The following CKAP4 variants were observed in gnomAD, a reference collection of about 807,000 sequenced individuals.
CKAP4 encodes cytoskeleton-associated protein 4.
A neutral mutation model predicts 24.4 loss-of-function variants in CKAP4; 20 were observed. The ratio of observed to expected loss-of-function variants is 0.82; its 90% CI spans 0.58 to 1.19. The LOEUF (loss-of-function observed/expected upper bound fraction) is 1.19, where lower values mean the gene tolerates loss of function less well. Ranked by LOEUF, CKAP4 falls within the 50% of genes most tolerant of loss-of-function variation. The pLI is 0.00. For synonymous variants in CKAP4, 378 were observed against 351.7 expected (o/e 1.07, Z -0.84); for missense variants, 744 against 765.3 (o/e 0.97, Z 0.33).
rs1383401737 is a variant in CKAP4 at position 106,239,463 on chromosome 12, C to G, written c.1370G>C (p.Gly457Ala). The G allele has an allele frequency of 6.2e-7, 1 of 1,604,060 alleles. No individual in the cohort carries two copies. The highest frequency in any genetic ancestry group is 8.5e-7 in the Non-Finnish European group (1 of 1,179,646). Reference protein sequence around the residue: ...RLAALQGRLEGLGSSEADQDG... With the variant: ...RLAALQGRLEALGSSEADQDG... ...CTGGTCTGCCTCTGAGGACCCGAGGCCTTCCAGGCGCCCCTGCAGGGCGGC... is the reference window on the plus strand; with the variant it reads ...CTGGTCTGCCTCTGAGGACCCGAGGGCTTCCAGGCGCCCCTGCAGGGCGGC... Residue 457 changes from glycine (G) to alanine (A), a missense_variant, in exon 2 of 2, where the codon GGC (glycine) becomes GCC (alanine). Gly to Ala is a moderately conservative substitution (Grantham distance 60). Around this residue, in one of 3 missense-constraint regions of CKAP4, gnomAD observed 401 missense variants for 424.5 expected, o/e 0.94. Transcript: ENST00000378026. The surrounding 1 kb of genome is among the most constrained non-coding windows in gnomAD (Gnocchi z 4.9).
intron 1 of CKAP4, among the ~76,000 whole-genome samples, chr12:106,246,241 A>C (rs1378805518): frequency 6.6e-6 from 1 of 152,198 alleles, no homozygotes; most frequent in African/African-American, 2.4e-5. Context: ...GTCACTCACC[A>C]GCTGGGGACT....
chr12:106,239,260 G>A lies in CKAP4; in HGVS notation c.1573C>T (p.Pro525Ser). The A allele has an allele frequency of 1.2e-6, 2 of 1,613,670 alleles. No homozygotes were observed. The highest frequency in any genetic ancestry group is 8.5e-7 in the Non-Finnish European group (1 of 1,180,038). Residue 525 changes from proline to serine, a missense_variant, in exon 2 of 2, where the codon CCT becomes TCT. Pro to Ser is a moderately conservative substitution (Grantham distance 74, BLOSUM62 -1). Transcript: ENST00000378026. This position sits in a 1 kb window ranked among gnomAD's most constrained non-coding sequence, Gnocchi z 4.9. ...AGTCTGTCCAGGAAGTCCTGAGGAG[G>A]CAGACGGGCGGCCTGGGCTTGGTCC... ...SQDQAQAARL[P>S]PQDFLDRLSS...
intron 1 of CKAP4, among the ~76,000 whole-genome samples, chr12:106,243,544 A>C (rs1157194290): frequency 6.6e-6 from 1 of 152,162 alleles, no homozygotes; most frequent in Non-Finnish European, 1.5e-5. Context: ...GCCTAAGCCT[A>C]CTCCTACCAT....
rs761920606 is a variant in CKAP4, at chr12:106,239,291, G to A, written c.1542C>T (p.Leu514=). 1 of 1,612,028 alleles carries A rather than the reference G, an allele frequency of 6.2e-7. No homozygotes were observed. The highest frequency in any genetic ancestry group is 1.7e-5 in the Admixed American group (1 of 60,028). Residue 514 remains leucine, a synonymous_variant, in exon 2 of 2, where the codon CTC becomes CTT. Transcript: ENST00000378026. The surrounding 1 kb of genome is among the most constrained non-coding windows in gnomAD (Gnocchi z 4.9). ...QKVQEQVHTL[L]SQDQAQAARL... is the part of the protein sequence containing the mutation. Reference sequence around the variant, plus strand: ...GGGCGGCCTGGGCTTGGTCCTGACTGAGCAGCGTGTGCACCTGCTCCTGCA... The same window carrying A: ...GGGCGGCCTGGGCTTGGTCCTGACTAAGCAGCGTGTGCACCTGCTCCTGCA...
chr12:106,240,338 C>T lies in CKAP4; in HGVS notation c.495G>A (p.Leu165=). 2 of 1,611,878 alleles carry T rather than the reference C, an allele frequency of 1.2e-6. No homozygotes were observed. The highest frequency in any genetic ancestry group is 2.7e-5 in the African/African-American group (2 of 74,946). The change falls in exon 2 of 2, where the codon TTG becomes TTA. Residue 165 remains leucine, a synonymous_variant. Transcript: ENST00000378026. ...LQGVEQKVQS[L]QATFGTFESI... ...ACTCAAAAGTTCCAAATGTGGCTTG[C>T]AAAGACTGCACCTGTAATCAAAATC...
At position 106,247,507 on chromosome 12, in the gene CKAP4, G is replaced by C. The variant is rs1333593560; in HGVS notation, c.345C>G (p.Ala115=). 6 of 1,542,850 alleles carry C rather than the reference G, an allele frequency of 3.9e-6. No homozygotes were observed. Among genetic ancestry groups the C allele is most frequent in the Non-Finnish European group, 5.2e-6 (6 of 1,147,954 alleles). The change falls in exon 1 of 2, where the codon GCC becomes GCG. Residue 115 remains alanine (A), a synonymous_variant. Transcript: ENST00000378026. This position sits in a 1 kb window ranked among gnomAD's most constrained non-coding sequence, Gnocchi z 4.5. ...CCGAGAAAGCGGCCGCCGCCACCAGGGCGAGGTAGAAGAGAAAGTTGAGCG... is the reference window on the plus strand; with the variant it reads ...CCGAGAAAGCGGCCGCCGCCACCAGCGCGAGGTAGAAGAGAAAGTTGAGCG... ...GRALNFLFYL[A]LVAAAAFSGW...
At chr12:106,240,775 A>G (rs920705855) in intron 1 of CKAP4, among the ~76,000 whole-genome samples, 3 of 152,322 alleles carry the variant, frequency 2.0e-5, no homozygotes, top group Admixed American at 2.0e-4. Flanking sequence ...CAATCAGCCA[A>G]ACCCACAATG....
chr12:106,246,994 C>T, intron 1 of CKAP4: 1 of 186,158 alleles, frequency 5.4e-6, no homozygotes, highest in Non-Finnish European at 1.1e-5. Context: ...GACAGCTCTG[C>T]CCATTCAGCG....
At chr12:106,246,989 C>T (rs1023153038) in intron 1 of CKAP4, 1 of 182,280 alleles carries the variant, frequency 5.5e-6, no homozygotes, top group Non-Finnish European at 1.1e-5. Flanking sequence ...TTTCAGACAG[C>T]TCTGCCCATT....
At chr12:106,243,203 A>T (rs571673406) in intron 1 of CKAP4, among the ~76,000 whole-genome samples, 1 of 152,352 alleles carries the variant, frequency 6.6e-6, no homozygotes, top group South Asian at 2.1e-4. Flanking sequence ...AGGACTTCAG[A>T]CACATCATCT....
chr12:106,242,329 A>G (rs1276798883), intron 1 of CKAP4, among the ~76,000 whole-genome samples: 1 of 152,274 alleles, frequency 6.6e-6, no homozygotes, highest in Non-Finnish European at 1.5e-5. Flanking sequence ...GTAAGTCTGC[A>G]GATTCCTAGA....
At chr12:106,245,292 CT>C (rs748315377) in intron 1 of CKAP4, among the ~76,000 whole-genome samples, 6 of 152,158 alleles carry the variant, frequency 3.9e-5, no homozygotes, top group Non-Finnish European at 7.3e-5. Flanking sequence ...CTGACACCTC[CT>C]TATGCGCTGC....
At chr12:106,245,972 A>T (rs1325952636) in intron 1 of CKAP4, among the ~76,000 whole-genome samples, 1 of 152,322 alleles carries the variant, frequency 6.6e-6, no homozygotes, top group South Asian at 2.1e-4. Context: ...CAGGACAGAC[A>T]GCATGCTGGG....
chr12:106,247,700 G>A lies in CKAP4; in HGVS notation c.152C>T (p.Pro51Leu), dbSNP rs2034027869. 5 of 1,038,610 alleles carry A rather than the reference G, an allele frequency of 4.8e-6. No homozygotes were observed. The highest frequency in any genetic ancestry group is 5.7e-6 in the Non-Finnish European group (5 of 876,180). The allele number at this position is 1,038,610 out of a possible 1,614,324, so 64.3% of individuals were successfully genotyped here. The change falls in exon 1 of 2, where the codon CCG becomes CTG. Residue 51 changes from proline (P) to leucine (L), a missense_variant. Pro to Leu is a moderately conservative substitution (Grantham distance 98). This residue lies in a region of CKAP4 where 300 missense variants were observed against 264.5 expected (regional missense o/e 1.13). Transcript: ENST00000378026. The surrounding 1 kb of genome is among the most constrained non-coding windows in gnomAD (Gnocchi z 4.5). ...CGGGTGCTGCTGCGGGTGCTGCTGC[G>A]GGTGCGGCGCGGGCGGCGGCGGCGG... is the stretch of plus-strand genomic sequence containing the variant. Reference protein sequence around the residue: ...QQPPPPPAPHPQQHPQQHPQN... With the variant: ...QQPPPPPAPHLQQHPQQHPQN...
Position 106,239,475 on chromosome 12 carries a change from C to T in CKAP4, c.1358G>A (p.Gly453Glu), listed in dbSNP as rs1257805031. Residue 453 changes from glycine (G) to glutamate (E), a missense_variant, in exon 2 of 2, where the codon GGG becomes GAG. Physicochemically the swap from Gly to Glu is moderately conservative, Grantham distance 98. This residue lies in a region of CKAP4 where 401 missense variants were observed against 424.5 expected (regional missense o/e 0.94). Coordinates refer to ENST00000378026, the MANE Select transcript of CKAP4 (RefSeq NM_006825.4). The surrounding 1 kb of genome is among the most constrained non-coding windows in gnomAD (Gnocchi z 4.9). ...EHEQRLAALQ[G>E]RLEGLGSSEA... ...TGAGGACCCGAGGCCTTCCAGGCGCCCCTGCAGGGCGGCCAGGCGCTGCTC... is the reference window on the plus strand; with the variant it reads ...TGAGGACCCGAGGCCTTCCAGGCGCTCCTGCAGGGCGGCCAGGCGCTGCTC... The T allele has an allele frequency of 1.9e-6, 3 of 1,605,634 alleles. No individual in the cohort carries two copies. The highest frequency in any genetic ancestry group is 2.5e-6 in the Non-Finnish European group (3 of 1,179,660).
chr12:106,246,899 G>C (rs1192060780), intron 1 of CKAP4: 1 of 155,784 alleles, frequency 6.4e-6, no homozygotes, highest in East Asian at 1.9e-4. Context: ...AACCCCGCTC[G>C]GATGTCTCCC....
Position 106,239,753 on chromosome 12 carries a change from C to G in CKAP4, c.1080G>C (p.Glu360Asp). ...QALTEKLLRSEESVSRLPEEI... is the reference protein window; with the variant it reads ...QALTEKLLRSDESVSRLPEEI... ...CCTCCGGGAGGCGGGAGACGGACTC[C>G]TCAGACCTGAGAAGCTTCTCCGTGA... The change falls in exon 2 of 2, where the codon GAG becomes GAC. Residue 360 changes from glutamate (E) to aspartate (D), a missense_variant. By Grantham distance (45) the Glu-to-Asp change is conservative (BLOSUM62 2). Around this residue, in one of 3 missense-constraint regions of CKAP4, gnomAD observed 401 missense variants for 424.5 expected, o/e 0.94. Coordinates refer to ENST00000378026, the MANE Select transcript of CKAP4 (RefSeq NM_006825.4). The surrounding 1 kb of genome is among the most constrained non-coding windows in gnomAD (Gnocchi z 4.9). 1 of 1,614,086 alleles carries G rather than the reference C, an allele frequency of 6.2e-7. No homozygotes were observed. The highest frequency in any genetic ancestry group is 8.5e-7 in the Non-Finnish European group (1 of 1,180,024).
At position 106,239,898 on chromosome 12, in the gene CKAP4, C is replaced by T. The variant is rs1338869204; in HGVS notation, c.935G>A (p.Ser312Asn). The change falls in exon 2 of 2, where the codon AGT (serine) becomes AAT (asparagine). Residue 312 changes from serine (S) to asparagine (N), a missense_variant. Ser to Asn is a conservative substitution (Grantham distance 46). Coordinates refer to ENST00000378026, the MANE Select transcript of CKAP4 (RefSeq NM_006825.4). The surrounding 1 kb of genome is among the most constrained non-coding windows in gnomAD (Gnocchi z 4.9). ...GTCAGACTCCATAGTCTGAAGGGTA[C>T]TTCTCAGGGCCTCCATGTCCCACTC... Reference protein sequence around the residue: ...SREWDMEALRSTLQTMESDIY... With the variant: ...SREWDMEALRNTLQTMESDIY... 5 of 1,613,074 alleles carry T rather than the reference C, an allele frequency of 3.1e-6. No individual in the cohort carries two copies. The highest frequency in any genetic ancestry group is 1.3e-5 in the African/African-American group (1 of 74,498).
chr12:106,240,248 A>C lies in CKAP4; in HGVS notation c.585T>G (p.Ser195Arg). Residue 195 changes from serine to arginine, a missense_variant, in exon 2 of 2, where the codon AGT becomes AGG. This residue lies in a region of CKAP4 where 300 missense variants were observed against 264.5 expected (regional missense o/e 1.13). Transcript: ENST00000378026. The stretch of plus-strand genomic sequence containing the variant: ...GCACTTCGCTGATCCGGCTGACCTC[A>C]CTCTCCCCTTGCTTCACAGCTTTCT... ...LTEKAVKQGE[S>R]EVSRISEVLQ... 2 of 1,613,214 alleles carry C rather than the reference A, an allele frequency of 1.2e-6. No individual in the cohort carries two copies. The highest frequency in any genetic ancestry group is 1.7e-6 in the Non-Finnish European group (2 of 1,179,772).
Sources: allele counts gnomAD v4.1 joint callset (sites outside exome capture counted in the v4.1 genomes callset), GRCh38; gene constraint gnomAD v4.1.1; regional missense constraint gnomAD v4.1.1; non-coding constraint Gnocchi (gnomAD v3.1); transcripts MANE v1.5; gene names NCBI Gene and HGNC (gene_info 2026-07-23, HGNC 2026-07-21).